The following CRLF3 variants were observed in gnomAD, a reference collection of about 807,000 sequenced individuals.
The protein encoded by CRLF3 is cytokine receptor-like factor 3.
In CRLF3, 33 loss-of-function variants were observed where a neutral mutation model predicts 55.0. The ratio of observed to expected loss-of-function variants is 0.60; its 90% CI spans 0.46 to 0.80. The LOEUF (loss-of-function observed/expected upper bound fraction) is 0.80. CRLF3 is among the 30% of genes least tolerant of loss of function. CRLF3 has a pLI of 0.00. For synonymous variants in CRLF3, 238 were observed against 196.8 expected, an observed-to-expected ratio of 1.21 and a Z score of -1.75; for missense variants, 494 against 538.4, an observed-to-expected ratio of 0.92 and a Z score of 0.82.
At chr17:30,792,678 C>T in intron 5 of CRLF3, 106 bp from the exon 6 acceptor site, 1 of 968,224 alleles carries the variant, frequency 1.0e-6, no homozygotes, top group Non-Finnish European at 1.5e-6. Flanking sequence ...TCTTAGGGGC[C>T]ATGGTCAAGT....
At chr17:30,814,211 T>C (rs527728811) in intron 1 of CRLF3, among the ~76,000 whole-genome samples, 1 of 152,006 alleles carries the variant, frequency 6.6e-6, no homozygotes, top group African/African-American at 2.4e-5. Flanking sequence ...GAGCCGAGAC[T>C]GAGACACTGC....
At chr17:30,786,117 TCTCACCACAA>T in intron 6 of CRLF3, 86 bp from the exon 7 acceptor site, 1 of 757,028 alleles carries the variant, frequency 1.3e-6, no homozygotes, top group Non-Finnish European at 2.3e-6. Flanking sequence ...AAAAGAGCAA[TCTCACCACAA>T]TTGTTTTTTT....
intron 6 of CRLF3, among the ~76,000 whole-genome samples, chr17:30,788,275 C>G (rs913486137): frequency 7.4e-5 from 11 of 149,614 alleles, no homozygotes; most frequent in Non-Finnish European, 1.0e-4. Context: ...TTGCAGTGAG[C>G]CGATTGTGCC....
In CRLF3 at chr17:30,824,653, T is replaced by C. The variant is rs1223124695; in HGVS notation, c.-2A>G. The C allele has an allele frequency of 1.9e-6, 3 of 1,589,054 alleles. No individual in the cohort carries two copies. The highest frequency in any genetic ancestry group is 1.4e-5 in the African/African-American group (1 of 72,916). ...CTCCAGCTCCATCGCCCCCCTCATCTGGCCGCGCGGCCGGCGAAACCTAGC... is the reference window on the plus strand; with the variant it reads ...CTCCAGCTCCATCGCCCCCCTCATCCGGCCGCGCGGCCGGCGAAACCTAGC... On this transcript the variant is annotated 5_prime_UTR_variant, in exon 1 of 8. Coordinates refer to ENST00000324238, the MANE Select transcript of CRLF3 (RefSeq NM_015986.4).
chr17:30,806,885 T>C (rs927606313), intron 1 of CRLF3, among the ~76,000 whole-genome samples: 2 of 152,140 alleles, frequency 1.3e-5, no homozygotes, highest in African/African-American at 4.8e-5. Context: ...TCCTCCCACC[T>C]TGGCCTCCCA....
intron 2 of CRLF3, chr17:30,801,301 C>CT (rs1972004750): frequency 3.3e-5 from 5 of 150,514 alleles, no homozygotes; most frequent in Non-Finnish European, 7.4e-5. Context: ...TTTCTAATAA[C>CT]TTTTTTTTTG....
At chr17:30,786,084 G>A (rs1971641087) in intron 6 of CRLF3, 53 bp from the exon 7 acceptor site, 1 of 965,856 alleles carries the variant, frequency 1.0e-6, no homozygotes, top group Non-Finnish European at 1.7e-6. Context: ...TAACATGAAT[G>A]ATACTTAACA....
At chr17:30,809,076 G>A (rs1379965102) in intron 1 of CRLF3, among the ~76,000 whole-genome samples, 1 of 152,186 alleles carries the variant, frequency 6.6e-6, no homozygotes, top group Non-Finnish European at 1.5e-5. Flanking sequence ...TACACAGGAA[G>A]TGCATTGGTT....
chr17:30,815,365 T>C (rs906400401), intron 1 of CRLF3, among the ~76,000 whole-genome samples: 5 of 149,378 alleles, frequency 3.3e-5, no homozygotes, highest in African/African-American at 1.2e-4. Context: ...GGATTACAGG[T>C]GTGAGCCATT....
At chr17:30,794,696 G>A (rs549271804) in intron 4 of CRLF3, among the ~76,000 whole-genome samples, 148 of 152,300 alleles carry the variant, frequency 9.7e-4, no homozygotes, top group Non-Finnish European at 1.6e-3. Context: ...TTACTTGGGG[G>A]CTGAGGCGGG....
chr17:30,786,979 C>T (rs1027398669), intron 6 of CRLF3, among the ~76,000 whole-genome samples: 7 of 151,990 alleles, frequency 4.6e-5, no homozygotes, highest in Non-Finnish European at 7.4e-5. Flanking sequence ...GGATTAGAGG[C>T]GTGAGCCACC....
chr17:30,811,212 T>G (rs1258475307), intron 1 of CRLF3, among the ~76,000 whole-genome samples: 6 of 151,698 alleles, frequency 4.0e-5, no homozygotes, highest in Non-Finnish European at 7.4e-5. Flanking sequence ...CCTAGGATTT[T>G]GGGAGGCTGA....
Position 30,804,064 on chromosome 17 carries a change from A to G in CRLF3, c.174T>C (p.His58=). 2 of 1,613,962 alleles carry G rather than the reference A, an allele frequency of 1.2e-6. No individual in the cohort carries two copies. Among genetic ancestry groups the G allele is most frequent in the South Asian group, 2.2e-5 (2 of 91,074 alleles). ...ASQTRDVLKQ[H]FNDLKGTLGK... ...CAAGGGTTCCCTTTAAATCATTAAA[A>G]TGCTGTTTGAGAACATCCCTTGTCT... The change falls in exon 2 of 8, where the codon CAT becomes CAC. Residue 58 remains histidine, a synonymous_variant. Coordinates refer to ENST00000324238, the MANE Select transcript of CRLF3 (RefSeq NM_015986.4).
chr17:30,816,766 A>G (rs1037815329), intron 1 of CRLF3, among the ~76,000 whole-genome samples: 9 of 151,772 alleles, frequency 5.9e-5, no homozygotes, highest in African/African-American at 2.2e-4. Context: ...TGGGACTACA[A>G]GTGTGAGCCA....
chr17:30,815,542 T>TC (rs1491189078), intron 1 of CRLF3, among the ~76,000 whole-genome samples: 3 of 56,784 alleles, frequency 5.3e-5, no homozygotes, highest in African/African-American at 3.5e-4. Flanking sequence ...TAGTTTCTTC[T>TC]TTTTTTTTTT....
At chr17:30,820,086 A>C (rs1201331134) in intron 1 of CRLF3, among the ~76,000 whole-genome samples, 1 of 152,248 alleles carries the variant, frequency 6.6e-6, no homozygotes, top group East Asian at 1.9e-4. Flanking sequence ...AACATCAGCT[A>C]GGCCAAGTTG....
chr17:30,788,211 C>T (rs1419998516), intron 6 of CRLF3, among the ~76,000 whole-genome samples: 1 of 151,384 alleles, frequency 6.6e-6, no homozygotes, highest in African/African-American at 2.4e-5. Flanking sequence ...GCCTGTAGTC[C>T]CAGCTACTCA....
At chr17:30,799,227 C>A (rs1248956123) in intron 2 of CRLF3, among the ~76,000 whole-genome samples, 1 of 152,134 alleles carries the variant, frequency 6.6e-6, no homozygotes, top group Non-Finnish European at 1.5e-5. Context: ...AAGCTGAGAT[C>A]GTGCCACTGC....
chr17:30,821,339 C>CA (rs112600272), intron 1 of CRLF3, among the ~76,000 whole-genome samples: 248 of 116,132 alleles, frequency 2.1e-3, no homozygotes, highest in South Asian at 4.3e-3. Flanking sequence ...GGTCCTTTCT[C>CA]AAAAAAAAAA....
Sources: allele counts gnomAD v4.1 joint callset (sites outside exome capture counted in the v4.1 genomes callset), GRCh38; gene constraint gnomAD v4.1.1; transcripts MANE v1.5; gene names NCBI Gene and HGNC (gene_info 2026-07-23, HGNC 2026-07-21).